Variants in RGS7 observed in about 807,000 individuals in gnomAD.
RGS7 encodes regulator of G-protein signaling 7.
In RGS7, 27 loss-of-function variants were observed where a neutral mutation model predicts 81.1. That is an observed-to-expected ratio of 0.33 (90% CI 0.25 to 0.46). The LOEUF (loss-of-function observed/expected upper bound fraction) is 0.46. Among genes scored for constraint, RGS7 ranks in the 20% least tolerant of loss-of-function variants. RGS7 has a pLI of 1.00. For missense variants in RGS7, 396 were observed against 607.4 expected (o/e 0.65, Z 3.66); for synonymous variants, 208 against 207.7 (o/e 1.00, Z -0.01).
rs78858740 is a variant in RGS7, at chr1:241,329,402, G to A, written c.78+26297C>T. Among the ~76,000 whole-genome samples the A allele has an allele frequency of 6.8e-3, 1,042 of 152,208 alleles. 9 individuals are homozygous for A. The highest frequency in any genetic ancestry group is 0.01 in the Middle Eastern group (3 of 292). On this transcript the variant is annotated intron_variant, in intron 2 of 18. Coordinates refer to ENST00000440928, the MANE Select transcript of RGS7 (RefSeq NM_001364886.1). ...GTACAATAGTCAGTTGGTTGCTTAC[G>A]GAGTTTAAAATTTCCAAATGCTTTA... is the stretch of plus-strand genomic sequence containing the variant.
chr1:240,931,387 A>C (rs2148347313), intron 5 of RGS7, among the ~76,000 whole-genome samples: 1 of 152,270 alleles, frequency 6.6e-6, no homozygotes, highest in East Asian at 1.9e-4. Flanking sequence ...GGGTGACTCG[A>C]GTCAATAGTA....
At position 241,199,228 on chromosome 1, in the gene RGS7, G is replaced by A. The variant is rs140321045; in HGVS notation, c.79-100466C>T. ...TCCCAGCACTTCGGGAGGCCGAGGC[G>A]GGCGGATCATGAAGTCAAGAGATCA... On this transcript the variant is annotated intron_variant, in intron 2 of 18. Transcript: ENST00000440928. Among the ~76,000 whole-genome samples, 768 of 152,128 alleles carry A rather than the reference G, an allele frequency of 5.0e-3. 7 individuals are homozygous for A. Among genetic ancestry groups the A allele is most frequent in the African/African-American group, 0.018 (745 of 41,514 alleles).
intron 2 of RGS7, among the ~76,000 whole-genome samples, chr1:241,277,633 A>T (rs888237918): frequency 5.9e-5 from 9 of 151,574 alleles, no homozygotes; most frequent in African/African-American, 1.9e-4. Context: ...AAAAAAAAAA[A>T]TCAAGCATGC....
At chr1:240,865,907 C>A (rs1663152162) in intron 9 of RGS7, among the ~76,000 whole-genome samples, 1 of 152,074 alleles carries the variant, frequency 6.6e-6, no homozygotes, top group Non-Finnish European at 1.5e-5. Context: ...TTAGGAGAAC[C>A]TTTCTGTTAA....
At position 240,930,772 on chromosome 1, in the gene RGS7, C is replaced by A. The variant is rs760986877; in HGVS notation, c.334-4G>T. ...TTGATGGCCAAAAATAGGGGGTCTG[C>A]GGAATGAAAAGAAGTGGAACCCAGA... On this transcript the variant is annotated splice_region_variant and splice_polypyrimidine_tract_variant and intron_variant, in intron 5 of 18. Coordinates refer to ENST00000440928, the MANE Select transcript of RGS7 (RefSeq NM_001364886.1). The A allele has an allele frequency of 6.2e-7, 1 of 1,613,404 alleles. No homozygotes were observed. Among genetic ancestry groups the A allele is most frequent in the Admixed American group, 1.7e-5 (1 of 59,982 alleles).
intron 6 of RGS7, among the ~76,000 whole-genome samples, chr1:240,897,909 T>A (rs559758280): frequency 6.6e-6 from 1 of 152,326 alleles, no homozygotes; most frequent in South Asian, 2.1e-4. Context: ...ATCCGTCTGG[T>A]ACCGGACGTT....
At chr1:241,195,466 G>A (rs1335834671) in intron 2 of RGS7, among the ~76,000 whole-genome samples, 1 of 151,894 alleles carries the variant, frequency 6.6e-6, no homozygotes, top group Non-Finnish European at 1.5e-5. Flanking sequence ...AAAAGAGCAA[G>A]ACTCCATCTA....
rs538058743 is a variant in RGS7 at position 240,900,399 on chromosome 1, T to C, written c.386-30280A>G. Among the ~76,000 whole-genome samples, 12 of 152,332 alleles carry C rather than the reference T, an allele frequency of 7.9e-5. No individual in the cohort carries two copies. The East Asian group carries it at 1.4e-3, about 17-fold the overall frequency. On this transcript the variant is annotated intron_variant, in intron 6 of 18. Coordinates refer to ENST00000440928, the MANE Select transcript of RGS7 (RefSeq NM_001364886.1). ...TTTTTAGAATTTTCAGCTTTTCTGC[T>C]CTGGTTACTCCCCATCTTTGTGGTT...
intron 3 of RGS7, among the ~76,000 whole-genome samples, chr1:241,082,625 TAGAA>T (rs2148899556): frequency 6.6e-6 from 1 of 152,332 alleles, no homozygotes; most frequent in East Asian, 1.9e-4. Flanking sequence ...TACAGTCTGA[TAGAA>T]GGAGTAAGTT....
At chr1:240,945,856 T>TC (rs1265881146) in intron 4 of RGS7, among the ~76,000 whole-genome samples, 1 of 152,238 alleles carries the variant, frequency 6.6e-6, no homozygotes, top group African/African-American at 2.4e-5. Context: ...TTTTAAAATC[T>TC]CTGTGTGTAT....
At chr1:241,191,900 G>A (rs972690497) in intron 2 of RGS7, among the ~76,000 whole-genome samples, 12 of 152,206 alleles carry the variant, frequency 7.9e-5, no homozygotes, top group African/African-American at 2.7e-4. Flanking sequence ...GGGCAGGGGT[G>A]CCTCACTACC....
chr1:241,252,092 G>A (rs546060163), intron 2 of RGS7, among the ~76,000 whole-genome samples: 1 of 149,900 alleles, frequency 6.7e-6, no homozygotes, highest in East Asian at 2.0e-4. Flanking sequence ...CACCCAGGCT[G>A]GAGTGCAATG....
intron 2 of RGS7, among the ~76,000 whole-genome samples, chr1:241,133,385 GA>G (rs2067264420): frequency 6.7e-6 from 1 of 150,346 alleles, no homozygotes; most frequent in Non-Finnish European, 1.5e-5. Flanking sequence ...AAAAAAAAAA[GA>G]AAAGGTCTGA....
intron 6 of RGS7, among the ~76,000 whole-genome samples, chr1:240,880,614 G>A (rs532595105): frequency 7.2e-5 from 11 of 152,098 alleles, no homozygotes; most frequent in Non-Finnish European, 1.6e-4. Flanking sequence ...CTCCTCTGGT[G>A]CCACGCTCAT....
At chr1:241,255,442 T>C (rs2077015747) in intron 2 of RGS7, among the ~76,000 whole-genome samples, 1 of 152,194 alleles carries the variant, frequency 6.6e-6, no homozygotes, top group Admixed American at 6.5e-5. Context: ...TTCTAGGAAC[T>C]GATTGTCCAT....
At chr1:240,864,740 TTCATGCAAGTTA>T (rs1572481293) in intron 9 of RGS7, among the ~76,000 whole-genome samples, 1 of 152,202 alleles carries the variant, frequency 6.6e-6, no homozygotes, top group South Asian at 2.1e-4. Context: ...GTCAGACTAT[TTCATGCAAGTTA>T]TCCCTAAATG....
chr1:241,033,502 A>G (rs975171855), intron 3 of RGS7, among the ~76,000 whole-genome samples: 4 of 152,078 alleles, frequency 2.6e-5, no homozygotes, highest in African/African-American at 7.2e-5. Flanking sequence ...ATTCATTATG[A>G]GTTTTTATAT....
intron 2 of RGS7, among the ~76,000 whole-genome samples, chr1:241,315,101 C>CTTTTT (rs2080787765): frequency 3.8e-5 from 2 of 52,074 alleles, no homozygotes; most frequent in African/African-American, 1.5e-4. Flanking sequence ...TTTTTTTCTT[C>CTTTTT]TTCTTCTTTT....
rs77379720 is a variant in RGS7, at chr1:240,936,572, T to C, written c.333+28A>G. 0.033 allele frequency: 49,796 copies of C among 1,531,640 alleles called. 925 individuals carry two copies. The highest frequency in any genetic ancestry group is 0.058 in the Middle Eastern group (340 of 5,904). 94.9% of individuals were successfully genotyped at this position (1,531,640 alleles called of 1,614,324 possible). A position where few individuals can be genotyped will look rare whatever the true frequency, so the allele number is the denominator to read the frequency against. Reference sequence around the variant, plus strand: ...AACGAAATGCGGGCTTCTAGTTTACTGTTAAAGAACATTTCTAATAAACTT... The same window carrying C: ...AACGAAATGCGGGCTTCTAGTTTACCGTTAAAGAACATTTCTAATAAACTT... On this transcript the variant is annotated intron_variant, in intron 5 of 18. Transcript: ENST00000440928.
Sources: gnomAD v4.1 joint callset for allele counts (sites outside exome capture counted in the v4.1 genomes callset) on GRCh38, gnomAD v4.1.1 for gene constraint, MANE v1.5 for transcripts, NCBI Gene and HGNC (gene_info 2026-07-23, HGNC 2026-07-21) for gene names.